The following SRL variants were observed in gnomAD, a reference collection of about 807,000 sequenced individuals.
SRL encodes the protein sarcalumenin.
Under a neutral mutation model 39.5 loss-of-function variants are expected in SRL, and 23 were observed. The ratio of observed to expected loss-of-function variants is 0.58; its 90% CI spans 0.42 to 0.82. The LOEUF is 0.82. Ranked by LOEUF, SRL falls within the 40% of genes least tolerant of loss-of-function variation. The probability of loss-of-function intolerance (pLI) is 0.00; values close to 1 mark genes in which losing one functional copy is unlikely to be tolerated. For synonymous variants in SRL, 272 were observed against 237.4 expected, an observed-to-expected ratio of 1.15 and a Z score of -1.34; for missense variants, 592 against 607.8, an observed-to-expected ratio of 0.97 and a Z score of 0.27.
rs191908617 is a variant in SRL, at chr16:4,218,436, G to A, written c.62-13802C>T. Among the ~76,000 whole-genome samples the A allele has an allele frequency of 2.4e-3, 365 of 152,238 alleles. 1 individual carries two copies. The highest frequency in any genetic ancestry group is 5.6e-3 in the South Asian group (27 of 4,818). Reference sequence around the variant, plus strand: ...TCATCCTCATGGTAAGTGAGCACTGGGAGTAAGACAATCAGCCCTTCAGAA... The same window carrying A: ...TCATCCTCATGGTAAGTGAGCACTGAGAGTAAGACAATCAGCCCTTCAGAA... On this transcript the variant is annotated intron_variant, in intron 1 of 5. Coordinates refer to ENST00000399609, the MANE Select transcript of SRL (RefSeq NM_001098814.2).
At chr16:4,221,065 T>TC (rs2052525063) in intron 1 of SRL, among the ~76,000 whole-genome samples, 1 of 151,546 alleles carries the variant, frequency 6.6e-6, no homozygotes, top group Non-Finnish European at 1.5e-5. Context: ...TTTTTTTTTT[T>TC]CGATACGGAG....
intron 1 of SRL, among the ~76,000 whole-genome samples, chr16:4,223,966 C>T (rs2052559058): frequency 6.6e-6 from 1 of 152,158 alleles, no homozygotes; most frequent in Admixed American, 6.6e-5. Context: ...ATAGCTGGCC[C>T]TGCTCCCTGC....
intron 1 of SRL, chr16:4,207,461 C>G (rs1328401137): frequency 8.8e-6 from 4 of 456,764 alleles, no homozygotes; most frequent in African/African-American, 6.0e-5. Context: ...GCACTGCAGG[C>G]TCCTCGCCAG....
At chr16:4,229,761 A>G (rs1339690334) in intron 1 of SRL, among the ~76,000 whole-genome samples, 4 of 152,106 alleles carry the variant, frequency 2.6e-5, no homozygotes, top group African/African-American at 9.7e-5. Flanking sequence ...AAACCTGCAC[A>G]CGTCCCCCCT....
chr16:4,226,476 T>C (rs573528861), intron 1 of SRL, among the ~76,000 whole-genome samples: 1 of 147,854 alleles, frequency 6.8e-6, no homozygotes, highest in South Asian at 2.2e-4. Flanking sequence ...GATAGACGGA[T>C]GAATGGGTAG....
rs1370022080 is a variant in SRL at position 4,204,515 on chromosome 16, T to C, written c.163+18A>G. On this transcript the variant is annotated intron_variant, in intron 2 of 5. Coordinates refer to ENST00000399609, the MANE Select transcript of SRL (RefSeq NM_001098814.2). ...CCGGGCTCTCCCAGCCCTGGGCATA[T>C]CTCCCTCCCCTGGTTACCAGAGTAG... 1 of 1,524,842 alleles carries C rather than the reference T, an allele frequency of 6.6e-7. No individual in the cohort carries two copies. Among genetic ancestry groups the C allele is most frequent in the Non-Finnish European group, 8.8e-7 (1 of 1,136,584 alleles). The allele number at this position is 1,524,842 out of a possible 1,614,324, so 94.5% of individuals were successfully genotyped here. A position where few individuals can be genotyped will look rare whatever the true frequency, so the allele number is the denominator to read the frequency against.
At chr16:4,202,510 G>A (rs750845705) in intron 3 of SRL, among the ~76,000 whole-genome samples, 21 of 151,628 alleles carry the variant, frequency 1.4e-4, no homozygotes, top group South Asian at 6.2e-4. Flanking sequence ...GAAGAATGGC[G>A]TGAACCTGGG....
chr16:4,238,916 C>T (rs551621509), intron 1 of SRL, among the ~76,000 whole-genome samples: 14 of 152,104 alleles, frequency 9.2e-5, no homozygotes, highest in African/African-American at 2.4e-4. Context: ...CCACTGTGTC[C>T]GACCACCGTG....
intron 2 of SRL, 24 bp downstream of exon 2, chr16:4,204,509 G>C: frequency 6.5e-7 from 1 of 1,539,594 alleles, no homozygotes; most frequent in Non-Finnish European, 8.8e-7. Context: ...CCCAGCCCTG[G>C]GCATATCTCC....
intron 1 of SRL, among the ~76,000 whole-genome samples, chr16:4,241,364 C>G (rs2052770280): frequency 6.6e-6 from 1 of 152,202 alleles, no homozygotes; most frequent in South Asian, 2.1e-4. Context: ...GCACACAGAG[C>G]CAAGCCCCTT....
intron 4 of SRL, among the ~76,000 whole-genome samples, chr16:4,197,217 C>G (rs917190812): frequency 1.6e-4 from 24 of 150,540 alleles, no homozygotes; most frequent in African/African-American, 5.6e-4. Flanking sequence ...TACAGGCACC[C>G]GCCATCACAC....
In SRL at chr16:4,231,820, T is replaced by C. The variant is rs1262086966; in HGVS notation, c.61+10187A>G. 3.3e-5 allele frequency among the ~76,000 whole-genome samples: 5 copies of C among 152,184 alleles called. No individual in the cohort carries two copies. In the South Asian group the frequency reaches 8.3e-4, roughly 25 times the overall value. Reference sequence around the variant, plus strand: ...AGTTGCCGCATACTCACAAGAGTGATAACCTGTCATTCTTGTCATAGTCCT... The same window carrying C: ...AGTTGCCGCATACTCACAAGAGTGACAACCTGTCATTCTTGTCATAGTCCT... On this transcript the variant is annotated intron_variant, in intron 1 of 5. Transcript: ENST00000399609.
At chr16:4,218,522 C>T (rs1312994148) in intron 1 of SRL, among the ~76,000 whole-genome samples, 2 of 152,190 alleles carry the variant, frequency 1.3e-5, no homozygotes, top group Admixed American at 6.5e-5. Context: ...AGGAGCAGTT[C>T]TGGCCTCCAA....
At chr16:4,212,885 C>T (rs2052411398) in intron 1 of SRL, among the ~76,000 whole-genome samples, 1 of 152,210 alleles carries the variant, frequency 6.6e-6, no homozygotes, top group Non-Finnish European at 1.5e-5. Flanking sequence ...CTCCTCTCTC[C>T]ATCACCAACC....
chr16:4,226,000 G>A (rs1239201554), intron 1 of SRL, among the ~76,000 whole-genome samples: 1 of 152,062 alleles, frequency 6.6e-6, no homozygotes, highest in Non-Finnish European at 1.5e-5. Flanking sequence ...CTCTGTGCTT[G>A]CTTTGCTTTT....
chr16:4,214,890 C>A (rs1042731047), intron 1 of SRL, among the ~76,000 whole-genome samples: 3 of 152,060 alleles, frequency 2.0e-5, no homozygotes, highest in African/African-American at 7.2e-5. Context: ...GCCTCAGCCT[C>A]CCGAGTAGCT....
chr16:4,222,537 G>A (rs576835825), intron 1 of SRL, among the ~76,000 whole-genome samples: 6 of 152,112 alleles, frequency 3.9e-5, no homozygotes, highest in Non-Finnish European at 8.8e-5. Flanking sequence ...GCCTCCCAAA[G>A]TGCTTAGATT....
intron 1 of SRL, among the ~76,000 whole-genome samples, chr16:4,228,404 C>A (rs1177058679): frequency 6.6e-6 from 1 of 151,918 alleles, no homozygotes; most frequent in Non-Finnish European, 1.5e-5. Flanking sequence ...CCACTGCACT[C>A]CAACCCGGGC....
intron 1 of SRL, among the ~76,000 whole-genome samples, chr16:4,233,866 C>T (rs540224623): frequency 5.9e-5 from 9 of 152,136 alleles, no homozygotes; most frequent in African/African-American, 1.7e-4. Context: ...ATCCCTAACC[C>T]GAGTCCATCC....
Sources: allele counts gnomAD v4.1 joint callset (sites outside exome capture counted in the v4.1 genomes callset), GRCh38; gene constraint gnomAD v4.1.1; transcripts MANE v1.5; gene names NCBI Gene and HGNC (gene_info 2026-07-23, HGNC 2026-07-21).